C10orf90: variants seen among roughly 807,000 people sequenced by gnomAD.
C10orf90 encodes the protein chromosome 10 open reading frame 90.
In C10orf90, 56 loss-of-function variants were observed where a neutral mutation model predicts 62.5. The ratio of observed to expected loss-of-function variants is 0.90; its 90% confidence interval spans 0.72 to 1.12. C10orf90 has a LOEUF of 1.12. C10orf90 is among the 50% of genes most tolerant of loss of function. The probability of loss-of-function intolerance (pLI) is 0.00; values close to 1 mark genes in which losing one functional copy is unlikely to be tolerated. For missense variants in C10orf90, 970 were observed against 880.4 expected (o/e 1.10, Z -1.29); for synonymous variants, 386 against 340.4 (o/e 1.13, Z -1.47).
chr10:126,466,451 A>T (rs1860295845), intron 4 of C10orf90, among the ~76,000 whole-genome samples: 1 of 152,164 alleles, frequency 6.6e-6, no homozygotes, highest in South Asian at 2.1e-4. Flanking sequence ...AATTGAGCTC[A>T]TGACTACCAA....
intron 2 of C10orf90, among the ~76,000 whole-genome samples, chr10:126,595,452 G>C (rs1845064786): frequency 6.6e-6 from 1 of 152,138 alleles, no homozygotes; most frequent in Non-Finnish European, 1.5e-5. Context: ...AAATTATTTA[G>C]CTTTAAGTGT....
chr10:126,487,513 T>C (rs982884499), intron 4 of C10orf90, among the ~76,000 whole-genome samples: 5 of 152,016 alleles, frequency 3.3e-5, no homozygotes, highest in African/African-American at 9.7e-5. Context: ...TAACAGAAAA[T>C]AATTGTCAAC....
intron 1 of C10orf90, among the ~76,000 whole-genome samples, chr10:126,663,781 C>T (rs1388242094): frequency 6.6e-6 from 1 of 152,134 alleles, no homozygotes; most frequent in Non-Finnish European, 1.5e-5. Context: ...AAAAAACCAC[C>T]AAGTACCCTA....
intron 2 of C10orf90, among the ~76,000 whole-genome samples, chr10:126,604,326 CA>C (rs1472444753): frequency 1.3e-5 from 2 of 151,972 alleles, no homozygotes; most frequent in Admixed American, 1.3e-4. Flanking sequence ...CAACCATCAC[CA>C]AAAAAATGCC....
At chr10:126,473,605 T>C (rs1464123366) in intron 4 of C10orf90, among the ~76,000 whole-genome samples, 1 of 151,954 alleles carries the variant, frequency 6.6e-6, no homozygotes, top group Admixed American at 6.6e-5. Flanking sequence ...GGAGTCAGGT[T>C]CCAAAGCCAT....
chr10:126,644,333 G>GT lies in C10orf90; in HGVS notation c.313+2231dup, dbSNP rs1591169830. On this transcript the variant is annotated intron_variant, in intron 2 of 9. Coordinates refer to ENST00000488181, the MANE Select transcript of C10orf90 (RefSeq NM_001350921.2). ...GAACTCCAGTAAAATCTGTCTTACCGTTTTAAACAAGTGCCCAGTGCAATT... is the reference window on the plus strand; with the variant it reads ...GAACTCCAGTAAAATCTGTCTTACCGTTTTTAAACAAGTGCCCAGTGCAATT... Among the ~76,000 whole-genome samples the GT allele has an allele frequency of 2.0e-5, 3 of 152,308 alleles. No homozygotes were observed. In the East Asian group the frequency reaches 5.8e-4, roughly 29 times the overall value.
At chr10:126,549,978 GAC>G (rs1396949162) in intron 2 of C10orf90, among the ~76,000 whole-genome samples, 5 of 139,014 alleles carry the variant, frequency 3.6e-5, no homozygotes, top group Non-Finnish European at 7.7e-5. Flanking sequence ...TTTTTTTTGA[GAC>G]AGTCTCTCTC....
intron 4 of C10orf90, chr10:126,469,961 G>A (rs1382956456): frequency 4.4e-6 from 2 of 456,650 alleles, no homozygotes; most frequent in Non-Finnish European, 8.8e-6. Flanking sequence ...TAAATACGTT[G>A]CATGCTGCGG....
intron 2 of C10orf90, among the ~76,000 whole-genome samples, chr10:126,527,896 GAA>G (rs1428345788): frequency 6.6e-6 from 1 of 152,202 alleles, no homozygotes; most frequent in Non-Finnish European, 1.5e-5. Context: ...AAAACAGCCA[GAA>G]AAGTCTCTGC....
At position 126,564,845 on chromosome 10, in the gene C10orf90, A is replaced by ATATATTATATATAATATATATTT. The variant is rs1844268371; in HGVS notation, c.314-50907_314-50906insAAATATATATTATATATAATATA. Among the ~76,000 whole-genome samples the ATATATTATATATAATATATATTT allele has an allele frequency of 1.8e-3, 32 of 18,224 alleles. 8 individuals are homozygous for ATATATTATATATAATATATATTT. The highest frequency in any genetic ancestry group is 7.7e-3 in the African/African-American group (31 of 4,028). The allele number at this position is 18,224 out of a possible 152,430, so 12.0% of individuals were successfully genotyped here. A position where few individuals can be genotyped will look rare whatever the true frequency, so the allele number is the denominator to read the frequency against. ...GACTCTCTCTCTCTATATATATATT[A>ATATATTATATATAATATATATTT]TATATTATATAAAATATATATTATA... is the stretch of plus-strand genomic sequence containing the variant. On this transcript the variant is annotated intron_variant, in intron 2 of 9. Coordinates refer to ENST00000488181, the MANE Select transcript of C10orf90 (RefSeq NM_001350921.2).
At chr10:126,629,163 G>A (rs146190694) in intron 2 of C10orf90, among the ~76,000 whole-genome samples, 3 of 152,308 alleles carry the variant, frequency 2.0e-5, no homozygotes, top group East Asian at 1.9e-4. Context: ...GCTCACGAAC[G>A]ATGAAGGCTG....
chr10:126,437,386 G>C (rs1156797244), intron 7 of C10orf90, among the ~76,000 whole-genome samples: 2 of 152,126 alleles, frequency 1.3e-5, no homozygotes, highest in East Asian at 3.9e-4. Flanking sequence ...CCTATACCAG[G>C]TCATCGAAAT....
At chr10:126,594,065 C>A (rs1283822443) in intron 2 of C10orf90, among the ~76,000 whole-genome samples, 1 of 150,484 alleles carries the variant, frequency 6.6e-6, no homozygotes, top group African/African-American at 2.5e-5. Flanking sequence ...CCATGTGTCC[C>A]CTGATAATCA....
chr10:126,455,109 C>A (rs894039009), intron 7 of C10orf90, among the ~76,000 whole-genome samples: 1 of 152,132 alleles, frequency 6.6e-6, no homozygotes, highest in South Asian at 2.1e-4. Context: ...CAGGCCCCAC[C>A]CTCATCATGT....
intron 2 of C10orf90, among the ~76,000 whole-genome samples, chr10:126,633,789 A>C (rs868266760): frequency 1.3e-5 from 2 of 152,226 alleles, no homozygotes; most frequent in African/African-American, 4.8e-5. Flanking sequence ...TCAGAAAAGA[A>C]AATAATTACA....
At chr10:126,605,661 C>A (rs1487491497) in intron 2 of C10orf90, among the ~76,000 whole-genome samples, 1 of 152,102 alleles carries the variant, frequency 6.6e-6, no homozygotes, top group African/African-American at 2.4e-5. Context: ...CCCGCTGGTG[C>A]CGTGAAGATA....
intron 2 of C10orf90, among the ~76,000 whole-genome samples, chr10:126,590,448 C>CT (rs1283991351): frequency 6.6e-6 from 1 of 152,114 alleles, no homozygotes; most frequent in Non-Finnish European, 1.5e-5. Context: ...AAGTAAAACA[C>CT]TTTTTAGCAA....
intron 2 of C10orf90, among the ~76,000 whole-genome samples, chr10:126,584,149 G>A (rs960707179): frequency 6.7e-6 from 1 of 148,872 alleles, no homozygotes; most frequent in Admixed American, 6.7e-5. Context: ...TGACTTGAAG[G>A]GGAAACTCTC....
At chr10:126,486,505 T>TA (rs1351693037) in intron 4 of C10orf90, among the ~76,000 whole-genome samples, 1 of 152,064 alleles carries the variant, frequency 6.6e-6, no homozygotes, top group Non-Finnish European at 1.5e-5. Context: ...ATGCCTCAGA[T>TA]AAAAAATACA....
Sources: allele counts gnomAD v4.1 joint callset (sites outside exome capture counted in the v4.1 genomes callset), GRCh38; gene constraint gnomAD v4.1.1; transcripts MANE v1.5; gene names NCBI Gene and HGNC (gene_info 2026-07-23, HGNC 2026-07-21).